The following B3GALT1 variants were observed in gnomAD, a reference collection of about 807,000 sequenced individuals.
B3GALT1 encodes UDP-Gal:betaGlcNAc beta 1,3-galactosyltransferase, polypeptide 1.
B3GALT1 carries 10 observed loss-of-function variants against 23.2 expected under a neutral mutation model. That is an observed-to-expected ratio of 0.43 (90% confidence interval 0.27 to 0.73). B3GALT1 has a LOEUF of 0.73. B3GALT1 is among the 30% of genes least tolerant of loss of function. The probability of loss-of-function intolerance (pLI) is 0.21; values close to 1 mark genes in which losing one functional copy is unlikely to be tolerated. For missense variants in B3GALT1, 299 were observed against 405.4 expected (o/e 0.74, Z 2.25); for synonymous variants, 156 against 141.5 (o/e 1.10, Z -0.73).
At chr2:167,298,612 C>T (rs1574022547) in intron 1 of B3GALT1, among the ~76,000 whole-genome samples, 2 of 151,904 alleles carry the variant, frequency 1.3e-5, no homozygotes, top group East Asian at 3.9e-4. Flanking sequence ...TTTATAGACT[C>T]TATAGAATTT....
At chr2:167,675,379 A>G (rs572965152) in intron 3 of B3GALT1, among the ~76,000 whole-genome samples, 1 of 152,356 alleles carries the variant, frequency 6.6e-6, no homozygotes, top group South Asian at 2.1e-4. Flanking sequence ...AAATTCAGAT[A>G]AACTACCTGC....
chr2:167,697,694 A>C (rs1452049194), intron 3 of B3GALT1, among the ~76,000 whole-genome samples: 1 of 152,216 alleles, frequency 6.6e-6, no homozygotes, highest in Non-Finnish European at 1.5e-5. Context: ...ATTCCAATGG[A>C]AGTAGGTACT....
At chr2:167,593,508 G>A (rs1409905187) in intron 2 of B3GALT1, among the ~76,000 whole-genome samples, 1 of 152,170 alleles carries the variant, frequency 6.6e-6, no homozygotes, top group Non-Finnish European at 1.5e-5. Context: ...TACAGGGAAT[G>A]GGCAAGGAAA....
chr2:167,675,067 A>G (rs1686400192), intron 3 of B3GALT1, among the ~76,000 whole-genome samples: 1 of 152,198 alleles, frequency 6.6e-6, no homozygotes, highest in Admixed American at 6.5e-5. Context: ...GACTTCCCAG[A>G]TGAGCCCCTG....
At chr2:167,299,635 G>T (rs150614799) in intron 1 of B3GALT1, among the ~76,000 whole-genome samples, 14 of 151,970 alleles carry the variant, frequency 9.2e-5, no homozygotes, top group Admixed American at 3.9e-4. Flanking sequence ...ATAATAGATT[G>T]CATTGATAAA....
At chr2:167,865,763 G>A (rs1194918511) in intron 4 of B3GALT1, among the ~76,000 whole-genome samples, 3 of 152,194 alleles carry the variant, frequency 2.0e-5, no homozygotes, top group Non-Finnish European at 4.4e-5. Flanking sequence ...CTGCACTCCA[G>A]CCTAGGCAAC....
intron 4 of B3GALT1, among the ~76,000 whole-genome samples, chr2:167,863,361 T>C (rs1232070429): frequency 6.6e-6 from 1 of 152,178 alleles, no homozygotes; most frequent in Admixed American, 6.5e-5. Context: ...ACTGACATAA[T>C]CCCCTCACTC....
At chr2:167,335,118 TTAAG>T (rs1375723384) in intron 1 of B3GALT1, among the ~76,000 whole-genome samples, 1 of 152,178 alleles carries the variant, frequency 6.6e-6, no homozygotes, top group Non-Finnish European at 1.5e-5. Flanking sequence ...TCCATTTTCT[TTAAG>T]TAGCACAAAA....
chr2:167,450,232 T>G (rs867033834), intron 1 of B3GALT1, among the ~76,000 whole-genome samples: 40 of 152,266 alleles, frequency 2.6e-4, no homozygotes, highest in Middle Eastern at 3.4e-3. Context: ...TATTTTTTTT[T>G]TTGTTGGCAA....
At chr2:167,646,001 G>T (rs1307856363) in intron 2 of B3GALT1, among the ~76,000 whole-genome samples, 1 of 152,148 alleles carries the variant, frequency 6.6e-6, no homozygotes, top group Non-Finnish European at 1.5e-5. Context: ...TGAGTAAATT[G>T]TGTCAGCCTG....
At chr2:167,467,395 G>A (rs1699365271) in intron 1 of B3GALT1, among the ~76,000 whole-genome samples, 1 of 152,084 alleles carries the variant, frequency 6.6e-6, no homozygotes, top group African/African-American at 2.4e-5. Flanking sequence ...TAATAATAGA[G>A]CAAACAGTAA....
chr2:167,586,461 G>C (rs1043875730), intron 2 of B3GALT1, among the ~76,000 whole-genome samples: 1 of 152,140 alleles, frequency 6.6e-6, no homozygotes, highest in Admixed American at 6.5e-5. Flanking sequence ...CACCATGCCT[G>C]GTTAATTTTT....
intron 2 of B3GALT1, among the ~76,000 whole-genome samples, chr2:167,615,175 T>C (rs1685138833): frequency 1.3e-5 from 2 of 152,096 alleles, no homozygotes; most frequent in African/African-American, 4.8e-5. Flanking sequence ...GTAGTGTATA[T>C]GCACAACAGA....
At position 167,528,875 on chromosome 2, in the gene B3GALT1, T is replaced by A. The variant is rs538752551; in HGVS notation, c.-410+38598T>A. On this transcript the variant is annotated intron_variant, in intron 2 of 4. Transcript: ENST00000392690. ...TAGGAGGTCTCCTGTTTCCCAGCTT[T>A]GTACCCTTGATCTTGGGTCTGCTTC... is the stretch of plus-strand genomic sequence containing the variant. Among the ~76,000 whole-genome samples, 4 of 152,304 alleles carry A rather than the reference T, an allele frequency of 2.6e-5. No homozygotes were observed. The East Asian group carries it at 7.7e-4, about 29-fold the overall frequency.
At position 167,713,968 on chromosome 2, in the gene B3GALT1, A is replaced by T. The variant is rs190437607; in HGVS notation, c.-352+67002A>T. 7.1e-6 allele frequency: 11 copies of T among 1,558,912 alleles called. No homozygotes were observed. In the South Asian group the frequency reaches 7.8e-5, roughly 11 times the overall value. On this transcript the variant is annotated intron_variant, in intron 3 of 4. Coordinates refer to ENST00000392690, the MANE Select transcript of B3GALT1 (RefSeq NM_020981.4). ...TTGTATCCACTGGAAACAATGGACC[A>T]CTGATTGCAGCAAGAGGTGGAGGAA... is the stretch of plus-strand genomic sequence containing the variant.
chr2:167,722,542 G>GT (rs10714735), intron 3 of B3GALT1, among the ~76,000 whole-genome samples: 3 of 152,064 alleles, frequency 2.0e-5, no homozygotes, highest in African/African-American at 7.2e-5. Context: ...GAAGATTCAA[G>GT]TTTTTTTATA....
chr2:167,440,353 A>G (rs998788430), intron 1 of B3GALT1, among the ~76,000 whole-genome samples: 1 of 151,608 alleles, frequency 6.6e-6, no homozygotes, highest in African/African-American at 2.4e-5. Context: ...TGAAAAAAAA[A>G]AAAAAAAAAA....
chr2:167,772,777 C>T (rs777610070), intron 3 of B3GALT1, among the ~76,000 whole-genome samples: 3 of 152,208 alleles, frequency 2.0e-5, no homozygotes, highest in Non-Finnish European at 4.4e-5. Context: ...TGTTATTCTT[C>T]CCAAGCTCAT....
At chr2:167,361,150 A>G (rs1309291943) in intron 1 of B3GALT1, among the ~76,000 whole-genome samples, 4 of 151,364 alleles carry the variant, frequency 2.6e-5, no homozygotes, top group Admixed American at 6.6e-5. Context: ...GGCTATTGTG[A>G]ATAGTGCTTC....
Sources: allele counts gnomAD v4.1 joint callset (sites outside exome capture counted in the v4.1 genomes callset), GRCh38; gene constraint gnomAD v4.1.1; transcripts MANE v1.5; gene names NCBI Gene and HGNC (gene_info 2026-07-23, HGNC 2026-07-21).